Variants in ENOX1 observed in about 807,000 individuals in gnomAD.
ENOX1 encodes candidate growth-related and time keeping constitutive hydroquinone (NADH) oxidase.
A neutral mutation model predicts 82.5 loss-of-function variants in ENOX1; 42 were observed. The ratio of observed to expected loss-of-function variants is 0.51; its 90% CI spans 0.40 to 0.66. The LOEUF (loss-of-function observed/expected upper bound fraction) is 0.66. ENOX1 is among the 30% of genes least tolerant of loss of function. ENOX1 has a pLI of 0.00. For synonymous variants in ENOX1, 271 were observed against 282.2 expected, an observed-to-expected ratio of 0.96 and a Z score of 0.40; for missense variants, 608 against 811.6, an observed-to-expected ratio of 0.75 and a Z score of 3.05.
intron 2 of ENOX1, among the ~76,000 whole-genome samples, chr13:43,652,068 G>A (rs1439016804): frequency 6.6e-6 from 1 of 151,430 alleles, no homozygotes; most frequent in Non-Finnish European, 1.5e-5. Context: ...AAAGTACCCA[G>A]CTGCAAATTA....
intron 12 of ENOX1, among the ~76,000 whole-genome samples, chr13:43,288,165 G>A (rs1382675835): frequency 6.6e-6 from 1 of 152,182 alleles, no homozygotes; most frequent in Non-Finnish European, 1.5e-5. Context: ...ATAGTTAAAG[G>A]AAGACCATGG....
intron 1 of ENOX1, among the ~76,000 whole-genome samples, chr13:43,761,999 A>C (rs1348365929): frequency 6.6e-6 from 1 of 152,206 alleles, no homozygotes; most frequent in African/African-American, 2.4e-5. Flanking sequence ...AACTGGACTT[A>C]CTGGTACAAG....
Position 43,251,189 on chromosome 13 carries a change from GA to G in ENOX1, c.1611+14208del, listed in dbSNP as rs2043434518. Among the ~76,000 whole-genome samples, 7 of 152,228 alleles carry G rather than the reference GA, an allele frequency of 4.6e-5. No homozygotes were observed. The South Asian group carries it at 1.4e-3, about 32-fold the overall frequency. ...TATCTAATTAAAACCTGTAAAATAA[GA>G]AAGTTGGATGATGTGATCTCTACCA... On this transcript the variant is annotated intron_variant, in intron 14 of 16. Coordinates refer to ENST00000690772, the MANE Select transcript of ENOX1 (RefSeq NM_001347969.2).
At chr13:43,507,019 G>C (rs2077197538) in intron 2 of ENOX1, among the ~76,000 whole-genome samples, 2 of 151,598 alleles carry the variant, frequency 1.3e-5, no homozygotes, top group Admixed American at 1.3e-4. Context: ...TTGAGTGATT[G>C]ACAGAATAGA....
At chr13:43,577,191 G>A (rs1389869503) in intron 2 of ENOX1, among the ~76,000 whole-genome samples, 1 of 151,892 alleles carries the variant, frequency 6.6e-6, no homozygotes, top group Non-Finnish European at 1.5e-5. Context: ...GAGTGCAATG[G>A]TGCGATGTCG....
At chr13:43,308,650 A>G (rs1387252938) in intron 11 of ENOX1, among the ~76,000 whole-genome samples, 2 of 152,166 alleles carry the variant, frequency 1.3e-5, no homozygotes, top group South Asian at 2.1e-4. Flanking sequence ...GTGGTTTTCA[A>G]TCCTTTGTGC....
intron 3 of ENOX1, among the ~76,000 whole-genome samples, chr13:43,419,949 C>T (rs1422922243): frequency 6.6e-6 from 1 of 152,094 alleles, no homozygotes; most frequent in Non-Finnish European, 1.5e-5. Flanking sequence ...ACAGCCTAGG[C>T]AACAGAGTGA....
At chr13:43,690,410 T>C (rs547073156) in intron 1 of ENOX1, among the ~76,000 whole-genome samples, 2 of 152,210 alleles carry the variant, frequency 1.3e-5, no homozygotes, top group South Asian at 2.1e-4. Flanking sequence ...CTGAACACCA[T>C]GGTGTTCAAT....
chr13:43,407,398 T>C (rs945900835), intron 5 of ENOX1, among the ~76,000 whole-genome samples: 6 of 152,202 alleles, frequency 3.9e-5, no homozygotes, highest in African/African-American at 1.4e-4. Flanking sequence ...TATTCTAGCG[T>C]CTCACGAGAG....
chr13:43,667,178 G>A (rs1031213326), intron 2 of ENOX1, among the ~76,000 whole-genome samples: 1 of 152,110 alleles, frequency 6.6e-6, no homozygotes, highest in African/African-American at 2.4e-5. Flanking sequence ...TTCATGATAA[G>A]GTGATAAAGA....
chr13:43,581,125 CTT>C (rs1174448355), intron 2 of ENOX1, among the ~76,000 whole-genome samples: 5 of 77,102 alleles, frequency 6.5e-5, no homozygotes, highest in African/African-American at 2.6e-4. Context: ...CTACCTGATT[CTT>C]TTTTTTTTTT....
intron 12 of ENOX1, among the ~76,000 whole-genome samples, chr13:43,286,906 A>G (rs2153496425): frequency 6.6e-6 from 1 of 152,288 alleles, no homozygotes; most frequent in South Asian, 2.1e-4. Context: ...TATTTTAGCA[A>G]TCTATCTCCA....
Position 43,470,038 on chromosome 13 carries a change from C to T in ENOX1, c.-75+13971G>A, listed in dbSNP as rs149378838. On this transcript the variant is annotated intron_variant, in intron 3 of 16. Coordinates refer to ENST00000690772, the MANE Select transcript of ENOX1 (RefSeq NM_001347969.2). ...TTCCAGTGGGGGAAAGGAACGTCTTCAAGTAGTGCTGGAAGAATTAAATAT... is the reference window on the plus strand; with the variant it reads ...TTCCAGTGGGGGAAAGGAACGTCTTTAAGTAGTGCTGGAAGAATTAAATAT... Among the ~76,000 whole-genome samples the T allele has an allele frequency of 2.9e-3, 434 of 151,240 alleles. 1 individual carries two copies. Among genetic ancestry groups the T allele is most frequent in the African/African-American group, 0.01 (418 of 41,302 alleles).
At chr13:43,230,448 A>G (rs1174906324) in intron 15 of ENOX1, among the ~76,000 whole-genome samples, 3 of 152,130 alleles carry the variant, frequency 2.0e-5, no homozygotes, top group Non-Finnish European at 4.4e-5. Flanking sequence ...CGTTTGTTGC[A>G]AAGGTACAAG....
chr13:43,777,612 G>C (rs935062716), intron 1 of ENOX1, among the ~76,000 whole-genome samples: 1 of 149,630 alleles, frequency 6.7e-6, no homozygotes, highest in Non-Finnish European at 1.5e-5. Context: ...GCATGATCTC[G>C]ACTCACTGCA....
At chr13:43,603,316 T>A (rs1348215614) in intron 2 of ENOX1, among the ~76,000 whole-genome samples, 2 of 151,938 alleles carry the variant, frequency 1.3e-5, no homozygotes, top group Non-Finnish European at 2.9e-5. Flanking sequence ...AGTTTAATAA[T>A]AATGATACCA....
chr13:43,682,944 G>T (rs7996264), intron 1 of ENOX1, among the ~76,000 whole-genome samples: 11,985 of 152,230 alleles, frequency 0.079, 714 homozygotes, highest in African/African-American at 0.16. Flanking sequence ...TATAAGGGCT[G>T]GTTGCCATGC....
chr13:43,390,188 T>G (rs2052685488), intron 5 of ENOX1, among the ~76,000 whole-genome samples: 1 of 152,076 alleles, frequency 6.6e-6, no homozygotes, highest in Non-Finnish European at 1.5e-5. Flanking sequence ...TTCACAATAA[T>G]CAATTAATTA....
chr13:43,538,359 G>T (rs2078558519), intron 2 of ENOX1, among the ~76,000 whole-genome samples: 1 of 152,114 alleles, frequency 6.6e-6, no homozygotes, highest in Non-Finnish European at 1.5e-5. Context: ...TAGACTTGGG[G>T]TACACATATA....
Sources: gnomAD v4.1 joint callset for allele counts (sites outside exome capture counted in the v4.1 genomes callset) on GRCh38, gnomAD v4.1.1 for gene constraint, MANE v1.5 for transcripts, NCBI Gene and HGNC (gene_info 2026-07-23, HGNC 2026-07-21) for gene names.